NOL4: variants seen among roughly 807,000 people sequenced by gnomAD.
The protein encoded by NOL4 is nucleolar protein 4.
NOL4 carries 17 observed loss-of-function variants against 75.9 expected under a neutral mutation model. That is an observed-to-expected ratio of 0.22 (90% CI 0.15 to 0.34). The LOEUF (loss-of-function observed/expected upper bound fraction) is 0.34, where lower values mean the gene tolerates loss of function less well. NOL4 is among the 10% of genes least tolerant of loss of function. The pLI is 1.00. For synonymous variants in NOL4, 292 were observed against 289.9 expected, an observed-to-expected ratio of 1.01 and a Z score of -0.07; for missense variants, 614 against 793.5, an observed-to-expected ratio of 0.77 and a Z score of 2.72.
intron 5 of NOL4, among the ~76,000 whole-genome samples, chr18:34,090,947 C>T (rs1047806805): frequency 1.3e-5 from 2 of 151,854 alleles, no homozygotes; most frequent in African/African-American, 4.8e-5. Flanking sequence ...TGTTTCTGTC[C>T]CATCCAAAAT....
intron 9 of NOL4, among the ~76,000 whole-genome samples, chr18:33,901,169 T>C (rs2065726943): frequency 6.6e-6 from 1 of 152,180 alleles, no homozygotes; most frequent in Non-Finnish European, 1.5e-5. Context: ...TTTTAAGATA[T>C]CAGGGTTTGG....
At position 34,150,102 on chromosome 18, in the gene NOL4, C is replaced by A. The variant is rs116323761; in HGVS notation, c.265-20082G>T. Among the ~76,000 whole-genome samples the A allele has an allele frequency of 7.4e-3, 1,130 of 151,678 alleles. 14 individuals carry two copies. Among genetic ancestry groups the A allele is most frequent in the African/African-American group, 0.025 (1,042 of 41,452 alleles). On this transcript the variant is annotated intron_variant, in intron 1 of 10. Transcript: ENST00000261592. ...ATATGATGATAATTATATAATATAT[C>A]TGTTTAATTTATGATTAATTGAATT...
chr18:33,881,153 T>C (rs2064244138), intron 10 of NOL4, among the ~76,000 whole-genome samples: 1 of 151,566 alleles, frequency 6.6e-6, no homozygotes, highest in African/African-American at 2.4e-5. Context: ...CACTCATGAT[T>C]TGGCTCTCTG....
At chr18:33,894,802 T>G (rs1457347329) in intron 9 of NOL4, among the ~76,000 whole-genome samples, 1 of 152,226 alleles carries the variant, frequency 6.6e-6, no homozygotes, top group Admixed American at 6.6e-5. Context: ...AGTAGAATTA[T>G]GGTTACCCAG....
chr18:34,113,930 T>C (rs562370886), intron 2 of NOL4, among the ~76,000 whole-genome samples: 1 of 152,308 alleles, frequency 6.6e-6, no homozygotes, highest in African/African-American at 2.4e-5. Context: ...TAGATGTTCA[T>C]AAATGGTGAT....
At chr18:34,154,321 A>G (rs1054690770) in intron 1 of NOL4, among the ~76,000 whole-genome samples, 1 of 152,024 alleles carries the variant, frequency 6.6e-6, no homozygotes, top group Non-Finnish European at 1.5e-5. Flanking sequence ...ACACTTCCAC[A>G]TACGGATCAC....
chr18:34,022,631 T>C (rs1035266346), intron 5 of NOL4, among the ~76,000 whole-genome samples: 2 of 152,044 alleles, frequency 1.3e-5, no homozygotes, highest in African/African-American at 4.8e-5. Flanking sequence ...TCAACTCCAA[T>C]TTTTAATTCA....
At chr18:34,038,840 A>T (rs2076022794) in intron 5 of NOL4, among the ~76,000 whole-genome samples, 1 of 152,028 alleles carries the variant, frequency 6.6e-6, no homozygotes, top group Non-Finnish European at 1.5e-5. Flanking sequence ...GCCTAAAGTG[A>T]CTATGATCAG....
intron 5 of NOL4, among the ~76,000 whole-genome samples, chr18:34,040,106 T>C (rs1292977174): frequency 1.3e-5 from 2 of 151,936 alleles, no homozygotes; most frequent in Admixed American, 6.6e-5. Flanking sequence ...AATCACATTG[T>C]AAGTTGAGAA....
chr18:34,057,261 C>T (rs1192946240), intron 5 of NOL4, among the ~76,000 whole-genome samples: 10 of 152,212 alleles, frequency 6.6e-5, no homozygotes, highest in African/African-American at 2.2e-4. Context: ...TATATCCTCT[C>T]TTCCTCCAAA....
chr18:34,180,914 A>G (rs910900831), intron 1 of NOL4, among the ~76,000 whole-genome samples: 11 of 151,528 alleles, frequency 7.3e-5, no homozygotes, highest in African/African-American at 2.4e-4. Flanking sequence ...ACATTATTGA[A>G]ATAAATTAAG....
chr18:33,914,019 T>G (rs1363868643), intron 9 of NOL4, among the ~76,000 whole-genome samples: 4 of 151,736 alleles, frequency 2.6e-5, no homozygotes, highest in South Asian at 2.1e-4. Context: ...CTCTCAGAGG[T>G]TTGTCTTCTA....
At chr18:33,900,038 T>G (rs563178634) in intron 9 of NOL4, among the ~76,000 whole-genome samples, 1 of 152,152 alleles carries the variant, frequency 6.6e-6, no homozygotes, top group Non-Finnish European at 1.5e-5. Flanking sequence ...TCTAAAACTC[T>G]TTATTAGTCC....
At position 34,024,194 on chromosome 18, in the gene NOL4, A is replaced by ATATATATAT. The variant is rs1555696186; in HGVS notation, c.773-4594_773-4593insATATATATA. Among the ~76,000 whole-genome samples, 6 of 70,698 alleles carry ATATATATAT rather than the reference A, an allele frequency of 8.5e-5. 1 individual carries two copies. Among genetic ancestry groups the ATATATATAT allele is most frequent in the African/African-American group, 1.6e-4 (3 of 18,942 alleles). 46.4% of individuals were successfully genotyped at this position (70,698 alleles called of 152,430 possible). A position where few individuals can be genotyped will look rare whatever the true frequency, so the allele number is the denominator to read the frequency against. ...CAAAATAAACAGGAAAAAAAAAAAA[A>ATATATATAT]ATATATATATATATATATATAAAAT... On this transcript the variant is annotated intron_variant, in intron 5 of 10. Coordinates refer to ENST00000261592, the MANE Select transcript of NOL4 (RefSeq NM_003787.5).
intron 1 of NOL4, among the ~76,000 whole-genome samples, chr18:34,219,821 G>A (rs927585694): frequency 6.6e-6 from 1 of 152,186 alleles, no homozygotes; most frequent in African/African-American, 2.4e-5. Context: ...CAGTGCAGGC[G>A]GGCTCGCAAA....
intron 1 of NOL4, among the ~76,000 whole-genome samples, chr18:34,185,951 T>C (rs1376867782): frequency 2.0e-5 from 3 of 152,218 alleles, no homozygotes; most frequent in Non-Finnish European, 4.4e-5. Context: ...AGTCCTGTGA[T>C]GCAGGAATAT....
At chr18:34,200,468 T>G (rs2035653637) in intron 1 of NOL4, among the ~76,000 whole-genome samples, 1 of 151,808 alleles carries the variant, frequency 6.6e-6, no homozygotes, top group Non-Finnish European at 1.5e-5. Context: ...TAGGTTGACT[T>G]ATTCTTTGAT....
chr18:34,074,517 CA>C (rs2077663762), intron 5 of NOL4, among the ~76,000 whole-genome samples: 1 of 151,434 alleles, frequency 6.6e-6, no homozygotes, highest in Non-Finnish European at 1.5e-5. Context: ...TTATAGTATC[CA>C]TTTTTTATGC....
chr18:33,915,759 A>G (rs540113391), intron 9 of NOL4, among the ~76,000 whole-genome samples: 171 of 152,302 alleles, frequency 1.1e-3, no homozygotes, highest in African/African-American at 3.9e-3. Context: ...AGAAATAAAG[A>G]AATTTCAATA....
Sources: allele counts gnomAD v4.1 joint callset (sites outside exome capture counted in the v4.1 genomes callset), GRCh38; gene constraint gnomAD v4.1.1; transcripts MANE v1.5; gene names NCBI Gene and HGNC (gene_info 2026-07-23, HGNC 2026-07-21).